The following SUPT16H variants were observed in gnomAD, a reference collection of about 807,000 sequenced individuals.
SUPT16H encodes the protein FACT complex subunit SPT16.
A neutral mutation model predicts 136.2 loss-of-function variants in SUPT16H; 24 were observed. The observed-to-expected ratio is 0.18, with a 90% CI of 0.13 to 0.25. The LOEUF (loss-of-function observed/expected upper bound fraction) is 0.25, where lower values mean the gene tolerates loss of function less well. Among genes scored for constraint, SUPT16H ranks in the 10% least tolerant of loss-of-function variants. The pLI is 1.00. For synonymous variants in SUPT16H, 415 were observed against 428.2 expected (o/e 0.97, Z 0.38); for missense variants, 623 against 1,270.2 (o/e 0.49, Z 7.74).
intron 8 of SUPT16H, among the ~76,000 whole-genome samples, chr14:21,365,803 C>A (rs561439498): frequency 1.6e-3 from 248 of 151,658 alleles, no homozygotes; most frequent in African/African-American, 4.5e-3. Context: ...CAAAAAAAAA[C>A]CCCCAAAACA....
rs565316924 is a variant in SUPT16H, at chr14:21,371,871, G to A, written c.330+3C>T. 1.9e-6 allele frequency: 3 copies of A among 1,613,582 alleles called. No individual in the cohort carries two copies. Among genetic ancestry groups the A allele is most frequent in the Admixed American group, 3.3e-5 (2 of 59,862 alleles). On this transcript the variant is annotated splice_donor_region_variant and intron_variant, in intron 3 of 25. Transcript: ENST00000216297. Reference sequence around the variant, plus strand: ...TTATGACACATTCTTTATTAATCCTGACCTTTTCTCGTATTAGCAGTGTGA... The same window carrying A: ...TTATGACACATTCTTTATTAATCCTAACCTTTTCTCGTATTAGCAGTGTGA...
chr14:21,373,164 T>C (rs1482863156), intron 2 of SUPT16H, among the ~76,000 whole-genome samples, 174 bp downstream of exon 2: 1 of 152,196 alleles, frequency 6.6e-6, no homozygotes, highest in African/African-American at 2.4e-5. Flanking sequence ...CAGGCTGGTC[T>C]TGAACTCCTG....
At chr14:21,375,382 G>A (rs1381885805) in intron 1 of SUPT16H, among the ~76,000 whole-genome samples, 1 of 152,138 alleles carries the variant, frequency 6.6e-6, no homozygotes, top group Admixed American at 6.5e-5. Flanking sequence ...TATGTTTACT[G>A]ACAACTGTAT....
chr14:21,372,202 G>C, intron 2 of SUPT16H, 158 bp from the exon 3 acceptor site: 1 of 737,442 alleles, frequency 1.4e-6, no homozygotes, highest in Non-Finnish European at 2.1e-6. Context: ...AATTAAGCAA[G>C]ATCGGCCAAG....
chr14:21,382,420 G>C (rs1163747346), intron 1 of SUPT16H, among the ~76,000 whole-genome samples: 1 of 152,198 alleles, frequency 6.6e-6, no homozygotes, highest in Non-Finnish European at 1.5e-5. Context: ...TTGCCAACCT[G>C]TCTTCAGGCC....
chr14:21,355,900 C>A (rs893806503), intron 22 of SUPT16H, among the ~76,000 whole-genome samples: 6 of 152,222 alleles, frequency 3.9e-5, no homozygotes, highest in Non-Finnish European at 5.9e-5. Flanking sequence ...ACTAGATTTA[C>A]TTTCCCACCT....
intron 7 of SUPT16H, among the ~76,000 whole-genome samples, chr14:21,367,721 CAG>C (rs1428627190): frequency 6.6e-6 from 1 of 152,152 alleles, no homozygotes; most frequent in Non-Finnish European, 1.5e-5. Context: ...GATCTGGACA[CAG>C]AGGGCCTAAC....
chr14:21,372,573 C>A, intron 2 of SUPT16H: 1 of 370,112 alleles, frequency 2.7e-6, no homozygotes, highest in Non-Finnish European at 5.2e-6. Context: ...GAAAAGGTGG[C>A]CTCCTGTTTT....
intron 5 of SUPT16H, 44 bp from the exon 6 acceptor site, chr14:21,369,399 G>C (rs1325588609): frequency 1.2e-6 from 2 of 1,611,108 alleles, no homozygotes; most frequent in Non-Finnish European, 1.7e-6. Flanking sequence ...CTAGAGGGTA[G>C]CAAAGCGGGG....
intron 7 of SUPT16H, among the ~76,000 whole-genome samples, chr14:21,367,133 G>C (rs1425245095): frequency 6.6e-6 from 1 of 152,146 alleles, no homozygotes. Context: ...AGTAGATGGG[G>C]TTTCGCCGTG....
At position 21,363,370 on chromosome 14, in the gene SUPT16H, T is replaced by C. The variant is rs766201249; in HGVS notation, c.1300-42A>G. On this transcript the variant is annotated intron_variant, in intron 11 of 25. Coordinates refer to ENST00000216297, the MANE Select transcript of SUPT16H (RefSeq NM_007192.4). ...AATCAAAAAATGAAATTTTAATTAT[T>C]TTAGCCAATATTATTTAACTTCTTT... 3.1e-6 allele frequency: 5 copies of C among 1,601,280 alleles called. No homozygotes were observed. In the South Asian group the frequency reaches 5.6e-5, roughly 18 times the overall value.
At chr14:21,378,060 G>A (rs1215207642) in intron 1 of SUPT16H, among the ~76,000 whole-genome samples, 1 of 152,092 alleles carries the variant, frequency 6.6e-6, no homozygotes, top group Non-Finnish European at 1.5e-5. Context: ...TACAGATGGA[G>A]CAGGATAATG....
intron 5 of SUPT16H, 155 bp downstream of exon 5, chr14:21,369,595 T>G: frequency 9.3e-7 from 1 of 1,079,384 alleles, no homozygotes; most frequent in Non-Finnish European, 1.3e-6. Context: ...TAACGCAGGC[T>G]TACCATTATT....
intron 1 of SUPT16H, among the ~76,000 whole-genome samples, chr14:21,376,473 T>C (rs998806136): frequency 6.6e-6 from 1 of 152,174 alleles, no homozygotes; most frequent in Non-Finnish European, 1.5e-5. Flanking sequence ...CTGAGTGTTC[T>C]GTTGTATTTC....
intron 7 of SUPT16H, among the ~76,000 whole-genome samples, chr14:21,367,546 T>C (rs191345495): frequency 1.3e-5 from 2 of 152,336 alleles, no homozygotes; most frequent in East Asian, 3.9e-4. Context: ...ATAGGACTTC[T>C]TAAGACCGAC....
intron 14 of SUPT16H, 54 bp downstream of exon 14, chr14:21,362,740 A>G (rs1242071176): frequency 3.9e-6 from 6 of 1,539,534 alleles, no homozygotes; most frequent in Non-Finnish European, 5.2e-6. Context: ...GGCAAATACA[A>G]TTACTATTTT....
At chr14:21,371,650 T>A (rs1886786945) in intron 3 of SUPT16H, among the ~76,000 whole-genome samples, 1 of 152,168 alleles carries the variant, frequency 6.6e-6, no homozygotes, top group Non-Finnish European at 1.5e-5. Context: ...AGACATAAAA[T>A]CAGTGTTCAC....
intron 22 of SUPT16H, 58 bp from the exon 23 acceptor site, chr14:21,354,598 T>G: frequency 6.3e-7 from 1 of 1,589,248 alleles, no homozygotes; most frequent in Non-Finnish European, 8.6e-7. Context: ...ATATATTCTT[T>G]CTTCTTTTTT....
Position 21,361,097 on chromosome 14 carries a change from G to A in SUPT16H, c.1910C>T (p.Ala637Val). The change falls in exon 16 of 26, where the codon GCT (alanine) becomes GTT (valine). Residue 637 changes from alanine to valine, a missense_variant. Ala to Val is a moderately conservative substitution (Grantham distance 64). Coordinates refer to ENST00000216297, the MANE Select transcript of SUPT16H (RefSeq NM_007192.4). ...GCTCACCTCCTTCTCTTTCTCTTCA[G>A]CTTCTCGAGTTTTATAACGTTTCTG... The part of the protein sequence containing the change: ...EVQKRYKTRE[A>V]EEKEKEGIVK... 1 of 1,614,004 alleles carries A rather than the reference G, an allele frequency of 6.2e-7. No homozygotes were observed. The highest frequency in any genetic ancestry group is 8.5e-7 in the Non-Finnish European group (1 of 1,180,002).
Sources: gnomAD v4.1 joint callset for allele counts (sites outside exome capture counted in the v4.1 genomes callset) on GRCh38, gnomAD v4.1.1 for gene constraint, MANE v1.5 for transcripts, NCBI Gene and HGNC (gene_info 2026-07-23, HGNC 2026-07-21) for gene names.